BCKDHB: variants seen among roughly 807,000 people sequenced by gnomAD.
BCKDHB encodes branched chain keto acid dehydrogenase E1 subunit beta, also known as 2-oxoisovalerate dehydrogenase subunit beta, mitochondrial.
In BCKDHB, 41 loss-of-function variants were observed where a neutral mutation model predicts 48.5. The observed-to-expected ratio is 0.85, with a 90% confidence interval of 0.66 to 1.10. The LOEUF (loss-of-function observed/expected upper bound fraction) is 1.10, where lower values mean the gene tolerates loss of function less well. BCKDHB is among the 50% of genes least tolerant of loss of function. The probability of loss-of-function intolerance (pLI) is 0.00; values close to 1 mark genes in which losing one functional copy is unlikely to be tolerated. For synonymous variants in BCKDHB, 201 were observed against 174.8 expected (o/e 1.15, Z -1.18); for missense variants, 496 against 494.2 (o/e 1.00, Z -0.03).
At chr6:80,403,258 G>C in the BCKDHB span, among the ~76,000 whole-genome samples, 1 of 151,582 alleles carries the variant, frequency 6.6e-6, no homozygotes, top group African/African-American at 2.4e-5. Context: ...ATGTATTTTT[G>C]TTTAATTTCT....
At chr6:80,122,405 G>T (rs987053613) in intron 1 of BCKDHB, among the ~76,000 whole-genome samples, 3 of 152,274 alleles carry the variant, frequency 2.0e-5, no homozygotes, top group Admixed American at 1.3e-4. Context: ...CTATTGATTG[G>T]AATAGTTCCA....
At chr6:80,446,548 C>A in the BCKDHB span, among the ~76,000 whole-genome samples, 2 of 152,094 alleles carry the variant, frequency 1.3e-5, no homozygotes, top group African/African-American at 4.8e-5. Context: ...TGAGGGGCAG[C>A]CTGCCCAGTC....
intron 2 of BCKDHB, among the ~76,000 whole-genome samples, chr6:80,128,883 T>C (rs1770477257): frequency 6.6e-6 from 1 of 150,878 alleles, no homozygotes; most frequent in South Asian, 2.1e-4. Flanking sequence ...TGTGTGTGTG[T>C]GTGTGTGTGT....
chr6:80,277,181 T>C (rs1777999925), intron 9 of BCKDHB, among the ~76,000 whole-genome samples: 1 of 152,026 alleles, frequency 6.6e-6, no homozygotes, highest in Non-Finnish European at 1.5e-5. Flanking sequence ...GACTATAGAG[T>C]TTAGATAATT....
At chr6:80,267,520 G>A (rs1777564619) in intron 8 of BCKDHB, among the ~76,000 whole-genome samples, 1 of 152,076 alleles carries the variant, frequency 6.6e-6, no homozygotes, top group African/African-American at 2.4e-5. Flanking sequence ...ATGTCTGCCA[G>A]TGTGGGGAAG....
intron 8 of BCKDHB, among the ~76,000 whole-genome samples, chr6:80,247,950 G>A (rs1287211017): frequency 6.6e-6 from 1 of 152,162 alleles, no homozygotes; most frequent in Non-Finnish European, 1.5e-5. Flanking sequence ...TTTGCCAGTG[G>A]GAATTCCAAT....
At chr6:80,403,490 G>A in the BCKDHB span, among the ~76,000 whole-genome samples, 5 of 151,904 alleles carry the variant, frequency 3.3e-5, no homozygotes, top group Non-Finnish European at 4.4e-5. Context: ...GGATTCTTTA[G>A]GGTTTTCTTT....
intron 9 of BCKDHB, among the ~76,000 whole-genome samples, chr6:80,290,066 A>G (rs928066983): frequency 6.6e-6 from 1 of 152,076 alleles, no homozygotes; most frequent in African/African-American, 2.4e-5. Flanking sequence ...GCTCTACCTG[A>G]GTACTTTCCT....
At chr6:80,338,226 T>C (rs1490770404) in intron 9 of BCKDHB, among the ~76,000 whole-genome samples, 3 of 152,340 alleles carry the variant, frequency 2.0e-5, no homozygotes, top group Non-Finnish European at 2.9e-5. Context: ...CCAAATGATA[T>C]TGGATGGTCT....
At chr6:80,298,701 G>C (rs983937754) in intron 9 of BCKDHB, among the ~76,000 whole-genome samples, 9 of 152,192 alleles carry the variant, frequency 5.9e-5, no homozygotes, top group African/African-American at 2.2e-4. Context: ...GGGCAAGATG[G>C]TCACCCTAAG....
chr6:80,248,352 A>G (rs78498308), intron 8 of BCKDHB, among the ~76,000 whole-genome samples: 5,169 of 152,122 alleles, frequency 0.034, 293 homozygotes, highest in African/African-American at 0.12. Flanking sequence ...GCTTTTTTAT[A>G]CTGAACTACA....
intron 9 of BCKDHB, among the ~76,000 whole-genome samples, chr6:80,330,001 CT>C (rs1224825406): frequency 1.3e-5 from 2 of 152,034 alleles, no homozygotes; most frequent in Non-Finnish European, 2.9e-5. Flanking sequence ...ATCCTAAAGG[CT>C]CGTGGAGAAG....
chr6:80,453,028 T>G, the BCKDHB span: 1 of 152,188 alleles, frequency 6.6e-6, no homozygotes, highest in Non-Finnish European at 1.5e-5. Context: ...ACTATTATAA[T>G]GCATATGAAT....
At position 80,107,351 on chromosome 6, in the gene BCKDHB, T is replaced by C. The variant is rs573139013; in HGVS notation, c.196+462T>C. 2.9e-3 allele frequency among the ~76,000 whole-genome samples: 417 copies of C among 145,978 alleles called. 2 individuals carry two copies. The highest frequency in any genetic ancestry group is 0.01 in the African/African-American group (404 of 40,046). Reference sequence around the variant, plus strand: ...TATATTATATATATTATATATAAAATATATATATGTATATAAAATCAATTC... The same window carrying C: ...TATATTATATATATTATATATAAAACATATATATGTATATAAAATCAATTC... On this transcript the variant is annotated intron_variant, in intron 1 of 9. Transcript: ENST00000320393.
intron 1 of BCKDHB, among the ~76,000 whole-genome samples, chr6:80,112,157 A>G (rs140699138): frequency 6.6e-6 from 1 of 152,226 alleles, no homozygotes; most frequent in African/African-American, 2.4e-5. Context: ...ACATACAAAT[A>G]AACACATCTA....
intron 3 of BCKDHB, among the ~76,000 whole-genome samples, chr6:80,140,661 A>C (rs1164747534): frequency 2.0e-5 from 3 of 151,990 alleles, no homozygotes; most frequent in Non-Finnish European, 4.4e-5. Context: ...AGCCCACTTG[A>C]TCATGGTGGA....
At chr6:80,111,978 G>A (rs1481530078) in intron 1 of BCKDHB, among the ~76,000 whole-genome samples, 1 of 152,120 alleles carries the variant, frequency 6.6e-6, no homozygotes, top group Non-Finnish European at 1.5e-5. Flanking sequence ...GTGCAATGAA[G>A]AAATTCACTC....
chr6:80,326,403 A>G (rs1769032549), intron 9 of BCKDHB, among the ~76,000 whole-genome samples: 1 of 152,142 alleles, frequency 6.6e-6, no homozygotes, highest in African/African-American at 2.4e-5. Flanking sequence ...ATTCTGTTTT[A>G]TGTCTGTCTC....
intron 8 of BCKDHB, among the ~76,000 whole-genome samples, chr6:80,234,434 A>G (rs774122953): frequency 1.8e-4 from 28 of 152,220 alleles, no homozygotes; most frequent in Non-Finnish European, 2.6e-4. Flanking sequence ...ATATTTGTAT[A>G]TAAATATAGA....
Sources: gnomAD v4.1 joint callset for allele counts (sites outside exome capture counted in the v4.1 genomes callset) on GRCh38, gnomAD v4.1.1 for gene constraint, MANE v1.5 for transcripts, NCBI Gene and HGNC (gene_info 2026-07-23, HGNC 2026-07-21) for gene names.